Variants in GRIN2B observed in about 807,000 individuals in gnomAD.
GRIN2B encodes glutamate ionotropic receptor NMDA type subunit 2B, also known as glutamate receptor ionotropic, NMDA 2B.
A neutral mutation model predicts 114.5 loss-of-function variants in GRIN2B; 5 were observed. The observed-to-expected ratio is 0.04, with a 90% CI of 0.02 to 0.09. The LOEUF (loss-of-function observed/expected upper bound fraction) is 0.09. GRIN2B is among the 10% of genes least tolerant of loss of function. GRIN2B has a pLI of 1.00. For missense variants in GRIN2B, 1,108 were observed against 1,943.5 expected (o/e 0.57, Z 8.08); for synonymous variants, 787 against 745.1 (o/e 1.06, Z -0.92).
At chr12:13,614,103 T>G (rs1360210870) in intron 8 of GRIN2B, among the ~76,000 whole-genome samples, 1 of 151,766 alleles carries the variant, frequency 6.6e-6, no homozygotes, top group African/African-American at 2.4e-5. Context: ...CTAATCACAT[T>G]TCACATAAAA....
chr12:13,673,839 C>A (rs1367199515), intron 5 of GRIN2B, among the ~76,000 whole-genome samples: 1 of 151,944 alleles, frequency 6.6e-6, no homozygotes, highest in Non-Finnish European at 1.5e-5. Context: ...AAGCTGCCCC[C>A]TCTGTACATC....
intron 10 of GRIN2B, among the ~76,000 whole-genome samples, chr12:13,606,457 C>T (rs1415030102): frequency 2.0e-5 from 3 of 152,126 alleles, no homozygotes; most frequent in Non-Finnish European, 2.9e-5. Flanking sequence ...TCACTCAGTC[C>T]CACCCCTCCC....
chr12:13,885,779 A>T (rs951988302), intron 2 of GRIN2B, among the ~76,000 whole-genome samples: 2 of 152,252 alleles, frequency 1.3e-5, no homozygotes. Flanking sequence ...TTCATTAGAC[A>T]AAGTATTCAT....
intron 4 of GRIN2B, among the ~76,000 whole-genome samples, chr12:13,744,204 AG>A (rs1863334339): frequency 1.3e-5 from 2 of 152,368 alleles, no homozygotes; most frequent in Middle Eastern, 6.8e-3. Context: ...AGCTAATTCC[AG>A]GCAAGCCATT....
intron 10 of GRIN2B, among the ~76,000 whole-genome samples, chr12:13,603,992 T>C (rs1297715297): frequency 3.9e-5 from 6 of 152,174 alleles, no homozygotes; most frequent in South Asian, 2.1e-4. Flanking sequence ...AAAATGTACC[T>C]AGTGCCCAGC....
rs776863907 is a variant in GRIN2B at position 13,583,745 on chromosome 12, A to G, written c.2011-11781T>C. Reference sequence around the variant, plus strand: ...GGGAGGGTGATGGGGCAAGCGAAATAGCATGAGAAAAGAAGCACTGGGACG... The same window carrying G: ...GGGAGGGTGATGGGGCAAGCGAAATGGCATGAGAAAAGAAGCACTGGGACG... On this transcript the variant is annotated intron_variant, in intron 10 of 13. Coordinates refer to ENST00000609686, the MANE Select transcript of GRIN2B (RefSeq NM_000834.5). Among the ~76,000 whole-genome samples the G allele has an allele frequency of 2.4e-4, 36 of 152,264 alleles. 1 individual carries two copies. The highest frequency in any genetic ancestry group is 8.3e-4 in the South Asian group (4 of 4,822).
intron 5 of GRIN2B, among the ~76,000 whole-genome samples, chr12:13,659,907 T>C (rs1467135251): frequency 6.6e-6 from 1 of 152,220 alleles, no homozygotes; most frequent in African/African-American, 2.4e-5. Context: ...CAAATATTGA[T>C]TATCCCACAG....
At chr12:13,961,166 T>C (rs1867685024) in intron 2 of GRIN2B, among the ~76,000 whole-genome samples, 1 of 151,824 alleles carries the variant, frequency 6.6e-6, no homozygotes, top group Non-Finnish European at 1.5e-5. Flanking sequence ...GGGTCAGTAC[T>C]GGAGAAGCTG....
At chr12:13,568,456 A>T (rs572888446) in intron 12 of GRIN2B, among the ~76,000 whole-genome samples, 1 of 152,340 alleles carries the variant, frequency 6.6e-6, no homozygotes, top group African/African-American at 2.4e-5. Context: ...AGTGACAGCT[A>T]CACTAAAATT....
chr12:13,785,064 A>G (rs1864199630), intron 3 of GRIN2B, among the ~76,000 whole-genome samples: 1 of 152,238 alleles, frequency 6.6e-6, no homozygotes, highest in African/African-American at 2.4e-5. Flanking sequence ...TTGTTTTTAA[A>G]TGTTTATGAT....
intron 10 of GRIN2B, among the ~76,000 whole-genome samples, chr12:13,599,263 GC>G (rs1025370056): frequency 5.3e-5 from 8 of 152,076 alleles, no homozygotes; most frequent in Admixed American, 5.2e-4. Flanking sequence ...GGAGTCTCAG[GC>G]CCCCATCAGC....
intron 2 of GRIN2B, among the ~76,000 whole-genome samples, chr12:13,969,683 C>T (rs1867844520): frequency 6.6e-6 from 1 of 152,190 alleles, no homozygotes; most frequent in Non-Finnish European, 1.5e-5. Flanking sequence ...ATTCCAGGAC[C>T]TTCTCACTCC....
At chr12:13,664,246 G>C (rs1434747215) in intron 5 of GRIN2B, among the ~76,000 whole-genome samples, 1 of 152,098 alleles carries the variant, frequency 6.6e-6, no homozygotes, top group Non-Finnish European at 1.5e-5. Flanking sequence ...CATGGAGGCT[G>C]AATGCAGAGA....
chr12:13,766,769 G>C (rs943092382), intron 3 of GRIN2B, among the ~76,000 whole-genome samples: 12 of 152,178 alleles, frequency 7.9e-5, no homozygotes, highest in African/African-American at 2.4e-4. Context: ...CTTCAGAAAA[G>C]CTGGGGGAAT....
chr12:13,978,211 CCT>C (rs1303973979), intron 2 of GRIN2B, among the ~76,000 whole-genome samples: 1 of 152,168 alleles, frequency 6.6e-6, no homozygotes, highest in Non-Finnish European at 1.5e-5. Flanking sequence ...CTCACCCATA[CCT>C]CTTTTCTATT....
chr12:13,719,267 C>A (rs568442545), intron 4 of GRIN2B, among the ~76,000 whole-genome samples: 1 of 152,180 alleles, frequency 6.6e-6, no homozygotes, highest in African/African-American at 2.4e-5. Flanking sequence ...ATGTACAGTG[C>A]ATTCGGTCAC....
At chr12:13,747,220 A>AG (rs944548599) in intron 4 of GRIN2B, among the ~76,000 whole-genome samples, 3 of 152,216 alleles carry the variant, frequency 2.0e-5, no homozygotes, top group African/African-American at 7.2e-5. Flanking sequence ...AGAATACTGT[A>AG]GGGGGTCTCA....
At chr12:13,781,255 G>C (rs1248651084) in intron 3 of GRIN2B, among the ~76,000 whole-genome samples, 1 of 152,194 alleles carries the variant, frequency 6.6e-6, no homozygotes, top group African/African-American at 2.4e-5. Context: ...GGGTAGGCAC[G>C]AAAGTTGAGA....
At chr12:13,638,637 A>T (rs769653697) in intron 5 of GRIN2B, among the ~76,000 whole-genome samples, 1 of 152,120 alleles carries the variant, frequency 6.6e-6, no homozygotes, top group Non-Finnish European at 1.5e-5. Context: ...ACATGAGTCC[A>T]TCTCTGTTTG....
Sources: gnomAD v4.1 joint callset for allele counts (sites outside exome capture counted in the v4.1 genomes callset) on GRCh38, gnomAD v4.1.1 for gene constraint, MANE v1.5 for transcripts, NCBI Gene and HGNC (gene_info 2026-07-23, HGNC 2026-07-21) for gene names.